Variants in SH2D4B observed in about 807,000 individuals in gnomAD.
SH2D4B encodes the protein SH2 domain containing 4B.
A neutral mutation model predicts 61.5 loss-of-function variants in SH2D4B; 45 were observed. That is an observed-to-expected ratio of 0.73 (90% CI 0.58 to 0.94). SH2D4B has a LOEUF of 0.94. Among genes scored for constraint, SH2D4B ranks in the 40% least tolerant of loss-of-function variants. The pLI is 0.00. For synonymous variants in SH2D4B, 224 were observed against 220.4 expected (o/e 1.02, Z -0.14); for missense variants, 572 against 574.2 (o/e 1.00, Z 0.04).
At chr10:80,578,857 G>A (rs1842155676) in intron 3 of SH2D4B, among the ~76,000 whole-genome samples, 1 of 152,202 alleles carries the variant, frequency 6.6e-6, no homozygotes, top group Non-Finnish European at 1.5e-5. Context: ...CAACGAGGAA[G>A]GAGAGAAGGG....
chr10:80,581,815 G>A (rs1419805030), intron 3 of SH2D4B, among the ~76,000 whole-genome samples: 2 of 152,208 alleles, frequency 1.3e-5, no homozygotes, highest in African/African-American at 4.8e-5. Flanking sequence ...GGCTCTGACA[G>A]GCCTTGACTG....
At chr10:80,642,599 A>G (rs1840325635) in intron 7 of SH2D4B, among the ~76,000 whole-genome samples, 1 of 152,240 alleles carries the variant, frequency 6.6e-6, no homozygotes, top group South Asian at 2.1e-4. Flanking sequence ...GTTAATCCGT[A>G]TACCAAACCT....
rs1842288194 is a variant in SH2D4B at position 80,588,681 on chromosome 10, G to A, written c.547G>A (p.Glu183Lys). Residue 183 changes from glutamate (E) to lysine (K), a missense_variant, in exon 4 of 8, where the codon GAA becomes AAA. Coordinates refer to ENST00000646907, the MANE Select transcript of SH2D4B (RefSeq NM_001388272.1). ...KRGEEQIRLQ[E>K]EQRAKELYWT... ...AGGAGAAGAGCAGATTCGCCTCCAG[G>A]AAGAGCAGAGGGCGAAGGAGCTCTA... The A allele has an allele frequency of 6.2e-7, 1 of 1,614,088 alleles. No homozygotes were observed. Among genetic ancestry groups the A allele is most frequent in the African/African-American group, 1.3e-5 (1 of 75,050 alleles).
Position 80,571,586 on chromosome 10 carries a change from A to T in SH2D4B, c.495+8A>T, listed in dbSNP as rs771798627. 2.4e-5 allele frequency: 38 copies of T among 1,613,064 alleles called. No homozygotes were observed. Among genetic ancestry groups the T allele is most frequent in the Non-Finnish European group, 3.2e-5 (38 of 1,179,868 alleles). The stretch of plus-strand genomic sequence containing the variant: ...ATCCACGAGGAATTCAAGGTGGGCC[A>T]GCGCATGGGGCCCCTGCGTGCGGCC... On this transcript the variant is annotated splice_region_variant and intron_variant, in intron 3 of 7. Coordinates refer to ENST00000646907, the MANE Select transcript of SH2D4B (RefSeq NM_001388272.1).
chr10:80,619,095 GA>G lies in SH2D4B; in HGVS notation c.988+9546del, dbSNP rs1842688986. Among the ~76,000 whole-genome samples, 3 of 152,176 alleles carry G rather than the reference GA, an allele frequency of 2.0e-5. No individual in the cohort carries two copies. The South Asian group carries it at 6.2e-4, about 31-fold the overall frequency. ...ACATCTGTATGGAATTCAGGGAGACGAATAGGGGAGGTGTCAGGAAGGATGC... is the reference window on the plus strand; with the variant it reads ...ACATCTGTATGGAATTCAGGGAGACGATAGGGGAGGTGTCAGGAAGGATGC... On this transcript the variant is annotated intron_variant, in intron 6 of 7. Transcript: ENST00000646907.
intron 1 of SH2D4B, among the ~76,000 whole-genome samples, chr10:80,568,060 C>G (rs908744831): frequency 6.6e-6 from 1 of 151,730 alleles, no homozygotes; most frequent in Non-Finnish European, 1.5e-5. Flanking sequence ...TTCCTTGAAG[C>G]TTTTTCTAAA....
Position 80,634,464 on chromosome 10 carries a change from A to C in SH2D4B, c.1168A>C (p.Asn390His), listed in dbSNP as rs1039168894. 31 of 1,550,342 alleles carry C rather than the reference A, an allele frequency of 2.0e-5. No homozygotes were observed. The highest frequency in any genetic ancestry group is 2.5e-5 in the Non-Finnish European group (29 of 1,146,980). Reference sequence around the variant, plus strand: ...TTACAGCTTCCTGGGAGTGGACCCCAATCGCCATGCAACGCTCACGGATCT... The same window carrying C: ...TTACAGCTTCCTGGGAGTGGACCCCCATCGCCATGCAACGCTCACGGATCT... ...DFYSFLGVDP[N>H]RHATLTDLVD... The change falls in exon 7 of 8, where the codon AAT becomes CAT. Residue 390 changes from asparagine to histidine, a missense_variant. Asn to His is a moderately conservative substitution (Grantham distance 68). Coordinates refer to ENST00000646907, the MANE Select transcript of SH2D4B (RefSeq NM_001388272.1).
intron 5 of SH2D4B, 137 bp from the exon 6 acceptor site, chr10:80,609,287 C>T: frequency 1.7e-6 from 1 of 579,510 alleles, no homozygotes; most frequent in Non-Finnish European, 2.8e-6. Context: ...CCCTCCCCTG[C>T]CCCTTCTTCC....
rs772284832 is a variant in SH2D4B, at chr10:80,603,738, G to T, written c.803G>T (p.Arg268Ile). Residue 268 changes from arginine (R) to isoleucine (I), a missense_variant, in exon 5 of 8, where the codon AGA (arginine) becomes ATA (isoleucine). Coordinates refer to ENST00000646907, the MANE Select transcript of SH2D4B (RefSeq NM_001388272.1). Reference protein sequence around the residue: ...ELGQSHEQEARLYHHLPDPGL... With the variant: ...ELGQSHEQEAILYHHLPDPGL... ...GGCCAGAGCCATGAGCAGGAGGCAA[G>T]ACTCTACCACCACCTCCCCGACCCG... The T allele has an allele frequency of 2.6e-5, 42 of 1,613,382 alleles. No individual in the cohort carries two copies. Among genetic ancestry groups the T allele is most frequent in the Non-Finnish European group, 3.2e-5 (38 of 1,179,980 alleles).
intron 6 of SH2D4B, among the ~76,000 whole-genome samples, chr10:80,622,437 A>T (rs1370204676): frequency 6.6e-6 from 1 of 152,226 alleles, no homozygotes; most frequent in East Asian, 1.9e-4. Flanking sequence ...GGGCCAGGAA[A>T]GTATTTCTAA....
chr10:80,543,504 G>C (rs1238032073), intron 1 of SH2D4B, among the ~76,000 whole-genome samples: 2 of 152,162 alleles, frequency 1.3e-5, no homozygotes, highest in Non-Finnish European at 2.9e-5. Context: ...CCCTGCCTCC[G>C]TGGGCTCCTG....
chr10:80,591,079 C>G (rs186909503), intron 4 of SH2D4B, among the ~76,000 whole-genome samples: 43 of 151,782 alleles, frequency 2.8e-4, no homozygotes, highest in African/African-American at 9.9e-4. Flanking sequence ...TTCCTTCCTT[C>G]CATTTTATGA....
chr10:80,544,661 G>C (rs979808251), intron 1 of SH2D4B, among the ~76,000 whole-genome samples: 2 of 152,224 alleles, frequency 1.3e-5, no homozygotes, highest in Non-Finnish European at 2.9e-5. Context: ...CCTGCATGGA[G>C]CCCTGCACCT....
chr10:80,640,368 T>C (rs914579192), intron 7 of SH2D4B, among the ~76,000 whole-genome samples: 2 of 152,228 alleles, frequency 1.3e-5, no homozygotes, highest in Non-Finnish European at 2.9e-5. Flanking sequence ...TCCTGGATAA[T>C]ATCCTGAAGA....
At position 80,559,693 on chromosome 10, in the gene SH2D4B, A is replaced by G. The variant is rs1486604831; in HGVS notation, c.185-10461A>G. On this transcript the variant is annotated intron_variant, in intron 1 of 7. Coordinates refer to ENST00000646907, the MANE Select transcript of SH2D4B (RefSeq NM_001388272.1). ...CACTCTATCACCCAGCCTATAGTGT[A>G]GTGGTATGATCATGGCTCACTGTAG... Among the ~76,000 whole-genome samples, 4 of 140,420 alleles carry G rather than the reference A, an allele frequency of 2.8e-5. No homozygotes were observed. In the Admixed American group the frequency reaches 3.0e-4, roughly 10 times the overall value. 92.1% of individuals were successfully genotyped at this position (140,420 alleles called of 152,430 possible).
At chr10:80,572,986 A>ATTTTTTTTTTTTTTTTTTT (rs61401607) in intron 3 of SH2D4B, among the ~76,000 whole-genome samples, 4 of 8,874 alleles carry the variant, frequency 4.5e-4, no homozygotes, top group Admixed American at 2.4e-3. Flanking sequence ...ATATATATAT[A>ATTTTTTTTTTTTTTTTTTT]TTTTTTTTTT....
rs1840365564 is a variant in SH2D4B at position 80,644,641 on chromosome 10, A to T, written c.*556A>T. On this transcript the variant is annotated 3_prime_UTR_variant, in exon 8 of 8. Coordinates refer to ENST00000646907, the MANE Select transcript of SH2D4B (RefSeq NM_001388272.1). ...CTCCATTATCACCCTCATTGATATT[A>T]TCATTGGAATTATCTAAGGTGAGCC... 1 of 152,248 alleles carries T rather than the reference A, an allele frequency of 6.6e-6. No homozygotes were observed. The highest frequency in any genetic ancestry group is 2.1e-4 in the South Asian group (1 of 4,828). The allele number at this position is 152,248 out of a possible 1,614,324, so 9.4% of individuals were successfully genotyped here.
chr10:80,551,535 GA>G (rs35793464), intron 1 of SH2D4B, among the ~76,000 whole-genome samples: 1 of 151,158 alleles, frequency 6.6e-6, no homozygotes, highest in Non-Finnish European at 1.5e-5. Flanking sequence ...AAAAATGAAG[GA>G]AAAAAAATGA....
At chr10:80,554,239 C>T (rs562348820) in intron 1 of SH2D4B, among the ~76,000 whole-genome samples, 7 of 152,248 alleles carry the variant, frequency 4.6e-5, no homozygotes, top group East Asian at 1.9e-4. Context: ...TGAGAGGGGC[C>T]GTATCCTCAG....
Sources: gnomAD v4.1 joint callset for allele counts (sites outside exome capture counted in the v4.1 genomes callset) on GRCh38, gnomAD v4.1.1 for gene constraint, MANE v1.5 for transcripts, NCBI Gene and HGNC (gene_info 2026-07-23, HGNC 2026-07-21) for gene names.